The following PRKG1 variants were observed in gnomAD, a reference collection of about 807,000 sequenced individuals.
The protein encoded by PRKG1 is protein kinase cGMP-dependent 1.
In PRKG1, 35 loss-of-function variants were observed where a neutral mutation model predicts 88.1. The ratio of observed to expected loss-of-function variants is 0.40; its 90% CI spans 0.30 to 0.53. The LOEUF is 0.53. PRKG1 is among the 20% of genes least tolerant of loss of function. The pLI is 0.59. For missense variants in PRKG1, 540 were observed against 839.8 expected (o/e 0.64, Z 4.41); for synonymous variants, 303 against 292.5 (o/e 1.04, Z -0.37).
intron 2 of PRKG1, among the ~76,000 whole-genome samples, chr10:51,370,200 C>T (rs1189327): frequency 0.074 from 11,311 of 152,072 alleles, 1,385 homozygotes; most frequent in African/African-American, 0.26. Flanking sequence ...ATGCTCTTTC[C>T]GGAGGGGTAA....
intron 2 of PRKG1, among the ~76,000 whole-genome samples, chr10:51,344,857 C>A (rs369305124): frequency 5.3e-5 from 8 of 152,168 alleles, no homozygotes; most frequent in African/African-American, 1.9e-4. Flanking sequence ...CCTTTGCCCC[C>A]GATGAATTAG....
chr10:51,109,336 T>C (rs1340090158), intron 1 of PRKG1, among the ~76,000 whole-genome samples: 1 of 152,158 alleles, frequency 6.6e-6, no homozygotes, highest in Non-Finnish European at 1.5e-5. Flanking sequence ...ATTATAAACC[T>C]TCAAGAGCAT....
chr10:52,224,808 CATATATATATATATATATAT>C lies in PRKG1; in HGVS notation c.1077-26750_1077-26731del, dbSNP rs71032630. On this transcript the variant is annotated intron_variant, in intron 9 of 17. Coordinates refer to ENST00000373980, the MANE Select transcript of PRKG1 (RefSeq NM_006258.4). ...TTTTTATGGCTGCATAGTATTCCAT[CATATATATATATATATATAT>C]ATATATATATACATACATACATACA... is the stretch of plus-strand genomic sequence containing the variant. 1.1e-4 allele frequency among the ~76,000 whole-genome samples: 12 copies of C among 106,370 alleles called. 1 individual carries two copies. The highest frequency in any genetic ancestry group is 4.1e-4 in the African/African-American group (11 of 26,714). The allele number at this position is 106,370 out of a possible 152,430, so 69.8% of individuals were successfully genotyped here. A position where few individuals can be genotyped will look rare whatever the true frequency, so the allele number is the denominator to read the frequency against.
chr10:52,009,505 T>G (rs986503420), intron 5 of PRKG1, among the ~76,000 whole-genome samples: 4 of 152,048 alleles, frequency 2.6e-5, no homozygotes, highest in South Asian at 2.1e-4. Context: ...TACAAAACAC[T>G]GCTCAAACAA....
intron 3 of PRKG1, among the ~76,000 whole-genome samples, chr10:51,579,504 G>T (rs1438555981): frequency 6.6e-6 from 1 of 152,050 alleles, no homozygotes; most frequent in African/African-American, 2.4e-5. Flanking sequence ...AGACTAGCAT[G>T]TCACTTATAA....
intron 9 of PRKG1, among the ~76,000 whole-genome samples, chr10:52,223,590 G>C (rs910515758): frequency 6.6e-6 from 1 of 152,050 alleles, no homozygotes. Flanking sequence ...CACAGCTTTC[G>C]ATACGCTCTA....
chr10:51,054,520 C>T (rs552369571), intron 1 of PRKG1, among the ~76,000 whole-genome samples: 24 of 152,238 alleles, frequency 1.6e-4, no homozygotes, highest in African/African-American at 5.3e-4. Context: ...GGAAGCCTCT[C>T]ATGCCCTTAA....
At chr10:51,035,176 C>A (rs1240011152) in intron 1 of PRKG1, among the ~76,000 whole-genome samples, 2 of 152,158 alleles carry the variant, frequency 1.3e-5, no homozygotes, top group African/African-American at 4.8e-5. Context: ...GCAATGCAAT[C>A]TTAACCTTGA....
At chr10:52,018,309 CT>C (rs138426494) in intron 5 of PRKG1, among the ~76,000 whole-genome samples, 11,360 of 152,162 alleles carry the variant, frequency 0.075, 584 homozygotes, top group Non-Finnish European at 0.1. Context: ...ACTGTGTACT[CT>C]TAATATTTAA....
intron 1 of PRKG1, among the ~76,000 whole-genome samples, chr10:51,023,543 T>A (rs1843166449): frequency 6.6e-6 from 1 of 152,206 alleles, no homozygotes; most frequent in African/African-American, 2.4e-5. Context: ...TGTGCACCTA[T>A]ATTATCCTGC....
chr10:51,583,667 A>T (rs776628701), intron 3 of PRKG1, among the ~76,000 whole-genome samples: 1 of 152,110 alleles, frequency 6.6e-6, no homozygotes, highest in Non-Finnish European at 1.5e-5. Context: ...TTAAAATTTC[A>T]TAAGCAAATG....
At chr10:51,423,773 G>A (rs574636855) in intron 2 of PRKG1, among the ~76,000 whole-genome samples, 6 of 152,150 alleles carry the variant, frequency 3.9e-5, no homozygotes, top group South Asian at 2.1e-4. Flanking sequence ...GACATAGTTC[G>A]CAGAGGTCAC....
chr10:51,361,725 T>G (rs1217361278), intron 2 of PRKG1, among the ~76,000 whole-genome samples: 2 of 151,792 alleles, frequency 1.3e-5, no homozygotes, highest in African/African-American at 4.8e-5. Context: ...AGGCAGAATC[T>G]CTGATGTAAG....
intron 3 of PRKG1, among the ~76,000 whole-genome samples, chr10:51,704,001 C>T (rs1841537428): frequency 6.6e-6 from 1 of 151,556 alleles, no homozygotes; most frequent in Admixed American, 6.6e-5. Context: ...AAAAATTAAC[C>T]AGGTGTGGTG....
At chr10:51,110,631 T>G (rs190825281) in intron 1 of PRKG1, among the ~76,000 whole-genome samples, 1 of 152,138 alleles carries the variant, frequency 6.6e-6, no homozygotes, top group African/African-American at 2.4e-5. Context: ...TTCATTAGTA[T>G]AAACATATGC....
At chr10:51,234,135 G>A (rs1040769080) in intron 2 of PRKG1, among the ~76,000 whole-genome samples, 28 of 152,094 alleles carry the variant, frequency 1.8e-4, no homozygotes, top group African/African-American at 5.3e-4. Context: ...CAGGGTCTTG[G>A]TGCTAAGGTC....
At chr10:51,417,704 C>T (rs780466478) in intron 2 of PRKG1, among the ~76,000 whole-genome samples, 8 of 152,040 alleles carry the variant, frequency 5.3e-5, no homozygotes, top group Non-Finnish European at 1.2e-4. Flanking sequence ...TCCCCTATGC[C>T]ATTTTTGGTA....
intron 1 of PRKG1, among the ~76,000 whole-genome samples, chr10:51,086,625 G>A (rs372226524): frequency 6.6e-6 from 1 of 152,096 alleles, no homozygotes; most frequent in Non-Finnish European, 1.5e-5. Flanking sequence ...TTAGAAAATG[G>A]AGAACAGAAG....
chr10:52,030,977 T>C (rs1455034820), intron 5 of PRKG1, among the ~76,000 whole-genome samples: 1 of 152,156 alleles, frequency 6.6e-6, no homozygotes, highest in Non-Finnish European at 1.5e-5. Flanking sequence ...TATTTTTACA[T>C]GTGTTTATAG....
Sources: allele counts gnomAD v4.1 joint callset (sites outside exome capture counted in the v4.1 genomes callset), GRCh38; gene constraint gnomAD v4.1.1; transcripts MANE v1.5; gene names NCBI Gene and HGNC (gene_info 2026-07-23, HGNC 2026-07-21).